EXOC4: variants seen among roughly 807,000 people sequenced by gnomAD.
EXOC4 encodes the protein SEC8-like 1.
In EXOC4, 71 loss-of-function variants were observed where a neutral mutation model predicts 107.2. That is an observed-to-expected ratio of 0.66 (90% CI 0.55 to 0.81). EXOC4 has a LOEUF of 0.81. Among genes scored for constraint, EXOC4 ranks in the 30% least tolerant of loss-of-function variants. The pLI is 0.00. For missense variants in EXOC4, 1,108 were observed against 1,189.6 expected (o/e 0.93, Z 1.01); for synonymous variants, 456 against 441.2 (o/e 1.03, Z -0.42).
intron 9 of EXOC4, among the ~76,000 whole-genome samples, chr7:133,546,882 A>G (rs1420656083): frequency 6.6e-6 from 1 of 152,088 alleles, no homozygotes; most frequent in East Asian, 1.9e-4. Flanking sequence ...TTTCTTCCCT[A>G]TCTCATAACA....
At chr7:133,847,797 C>T (rs1368719870) in intron 11 of EXOC4, among the ~76,000 whole-genome samples, 1 of 151,778 alleles carries the variant, frequency 6.6e-6, no homozygotes, top group Non-Finnish European at 1.5e-5. Context: ...CAACCTTCTC[C>T]TCCCAGGTTC....
chr7:133,627,809 A>G (rs1802493561), intron 9 of EXOC4, among the ~76,000 whole-genome samples: 2 of 152,110 alleles, frequency 1.3e-5, no homozygotes, highest in African/African-American at 2.4e-5. Flanking sequence ...CATGATTTTT[A>G]ATTAAGGGTT....
chr7:133,622,511 A>G (rs1445985383), intron 9 of EXOC4, among the ~76,000 whole-genome samples: 1 of 152,176 alleles, frequency 6.6e-6, no homozygotes, highest in Non-Finnish European at 1.5e-5. Flanking sequence ...GTAGAGTTCT[A>G]GTTCTTGCTG....
chr7:133,507,831 G>A (rs1398963987), intron 9 of EXOC4, among the ~76,000 whole-genome samples: 1 of 152,278 alleles, frequency 6.6e-6, no homozygotes, highest in South Asian at 2.1e-4. Context: ...GGAGGCCGAG[G>A]CAGGTGGACC....
At chr7:133,874,496 CACTT>C (rs1394729631) in intron 11 of EXOC4, among the ~76,000 whole-genome samples, 4 of 152,210 alleles carry the variant, frequency 2.6e-5, no homozygotes, top group Non-Finnish European at 5.9e-5. Flanking sequence ...TACACTGGCA[CACTT>C]GCTTGCACAC....
At chr7:133,493,291 G>T (rs1030369268) in intron 9 of EXOC4, among the ~76,000 whole-genome samples, 4 of 152,100 alleles carry the variant, frequency 2.6e-5, no homozygotes, top group African/African-American at 9.7e-5. Context: ...TAAAAAATTA[G>T]CTGGACATGG....
At chr7:133,618,139 T>G (rs1802240433) in intron 9 of EXOC4, among the ~76,000 whole-genome samples, 1 of 152,140 alleles carries the variant, frequency 6.6e-6, no homozygotes, top group Non-Finnish European at 1.5e-5. Context: ...TTAATAAACT[T>G]TCACCTTAAT....
chr7:134,013,406 A>G (rs1794818687), intron 17 of EXOC4, among the ~76,000 whole-genome samples: 1 of 152,236 alleles, frequency 6.6e-6, no homozygotes, highest in South Asian at 2.1e-4. Flanking sequence ...GGAAAGTCTG[A>G]AAAACTATCA....
chr7:133,615,517 A>C (rs12707105), intron 9 of EXOC4, among the ~76,000 whole-genome samples: 1 of 152,162 alleles, frequency 6.6e-6, no homozygotes, highest in Admixed American at 6.6e-5. Flanking sequence ...AAGTTACATA[A>C]AGATTTTTGA....
intron 10 of EXOC4, among the ~76,000 whole-genome samples, chr7:133,715,882 T>C (rs1438744726): frequency 6.6e-6 from 1 of 152,212 alleles, no homozygotes; most frequent in Non-Finnish European, 1.5e-5. Flanking sequence ...ATGTTAACTC[T>C]AATTCTTAGT....
chr7:133,655,196 T>A (rs62471382), intron 10 of EXOC4, among the ~76,000 whole-genome samples: 20,003 of 137,362 alleles, frequency 0.15, 1,446 homozygotes, highest in East Asian at 0.27. Flanking sequence ...AAATAAACTT[T>A]ATTTTAAAAA....
chr7:133,786,718 C>G (rs1381883463), intron 10 of EXOC4, among the ~76,000 whole-genome samples: 2 of 152,232 alleles, frequency 1.3e-5, no homozygotes, highest in Admixed American at 6.5e-5. Context: ...TTTGCCTCTT[C>G]TCCTCCATCT....
intron 7 of EXOC4, among the ~76,000 whole-genome samples, chr7:133,395,887 A>G (rs940683505): frequency 6.6e-6 from 1 of 152,072 alleles, no homozygotes; most frequent in African/African-American, 2.4e-5. Flanking sequence ...TTTTCTTTAC[A>G]GCATACGAAC....
At chr7:133,919,436 GT>G (rs550512500) in intron 13 of EXOC4, among the ~76,000 whole-genome samples, 6 of 152,040 alleles carry the variant, frequency 3.9e-5, no homozygotes, top group Non-Finnish European at 8.8e-5. Context: ...AAATATATCG[GT>G]TTTGACACAT....
intron 14 of EXOC4, among the ~76,000 whole-genome samples, chr7:133,954,047 A>G (rs1800755787): frequency 6.6e-6 from 1 of 152,230 alleles, no homozygotes; most frequent in South Asian, 2.1e-4. Flanking sequence ...ACATTTTGTA[A>G]TATGTTCCAG....
chr7:133,996,043 A>C (rs1446740075), intron 14 of EXOC4, among the ~76,000 whole-genome samples: 3 of 152,194 alleles, frequency 2.0e-5, no homozygotes, highest in Admixed American at 6.5e-5. Flanking sequence ...ACATATCAGA[A>C]ATTGAATAAA....
chr7:133,432,350 A>C (rs937605580), intron 7 of EXOC4, among the ~76,000 whole-genome samples: 1 of 152,180 alleles, frequency 6.6e-6, no homozygotes, highest in African/African-American at 2.4e-5. Context: ...GATGATAATA[A>C]TAAATTCCTA....
chr7:133,722,343 C>T lies in EXOC4; in HGVS notation c.1514+92202C>T, dbSNP rs116337140. 2.4e-3 allele frequency among the ~76,000 whole-genome samples: 362 copies of T among 152,316 alleles called. 5 individuals are homozygous for T. The highest frequency in any genetic ancestry group is 8.2e-3 in the African/African-American group (339 of 41,586). On this transcript the variant is annotated intron_variant, in intron 10 of 17. Transcript: ENST00000253861. ...CTACTTTACCTGAGTTCATTACATT[C>T]TTGTTACCTTTGCATTTATCTAGAG...
chr7:133,888,398 A>T (rs186253433), intron 11 of EXOC4, among the ~76,000 whole-genome samples: 5 of 152,346 alleles, frequency 3.3e-5, no homozygotes, highest in African/African-American at 9.6e-5. Flanking sequence ...ATAAATACAA[A>T]ATCAACAAAC....
Sources: allele counts gnomAD v4.1 joint callset (sites outside exome capture counted in the v4.1 genomes callset), GRCh38; gene constraint gnomAD v4.1.1; transcripts MANE v1.5; gene names NCBI Gene and HGNC (gene_info 2026-07-23, HGNC 2026-07-21).